The following ELAVL4 variants were observed in gnomAD, a reference collection of about 807,000 sequenced individuals.
ELAVL4 encodes the protein ELAV-like protein 4.
ELAVL4 carries 1 observed loss-of-function variant against 35.6 expected under a neutral mutation model. The ratio of observed to expected loss-of-function variants is 0.03; its 90% CI spans 0.01 to 0.13. The LOEUF is 0.13. Ranked by LOEUF, ELAVL4 falls within the 10% of genes least tolerant of loss-of-function variation. ELAVL4 has a pLI of 1.00. For missense variants in ELAVL4, 267 were observed against 464.9 expected (o/e 0.57, Z 3.91); for synonymous variants, 156 against 171.0 (o/e 0.91, Z 0.69).
chr1:50,125,770 C>G (rs1669801417), intron 1 of ELAVL4, among the ~76,000 whole-genome samples: 1 of 152,012 alleles, frequency 6.6e-6, no homozygotes, highest in African/African-American at 2.4e-5. Flanking sequence ...GGAGCCTGAA[C>G]CTAGAAGGTG....
At position 50,201,122 on chromosome 1, in the gene ELAVL4, C is replaced by G. The variant is rs1196239051; in HGVS notation, c.1045C>G (p.Leu349Val). The change falls in exon 7 of 7, where the codon CTG becomes GTG. Residue 349 changes from leucine (L) to valine (V), a missense_variant. Transcript: ENST00000371824. The surrounding 1 kb of genome is among the most constrained non-coding windows in gnomAD (Gnocchi z 4.3). The part of the protein sequence containing the change: ...MAIASLNGYR[L>V]GDRVLQVSFK... Reference sequence around the variant, plus strand: ...CATCGCCAGCCTCAACGGGTACCGCCTGGGAGACAGAGTGTTGCAAGTTTC... The same window carrying G: ...CATCGCCAGCCTCAACGGGTACCGCGTGGGAGACAGAGTGTTGCAAGTTTC... The G allele has an allele frequency of 6.2e-7, 1 of 1,613,110 alleles. No homozygotes were observed.
chr1:50,192,675 G>A (rs1273006069), intron 3 of ELAVL4, among the ~76,000 whole-genome samples: 2 of 152,084 alleles, frequency 1.3e-5, no homozygotes, highest in Non-Finnish European at 2.9e-5. Flanking sequence ...AACGTTGTCA[G>A]ATGTGCTCTG....
At chr1:50,101,301 G>A (rs1332493383), upstream of ELAVL4, among the ~76,000 whole-genome samples, 1 of 152,124 alleles carries the variant, frequency 6.6e-6, no homozygotes, top group South Asian at 2.1e-4. Flanking sequence ...GGAAAAACGG[G>A]TAGGGTTGGG....
At chr1:50,198,768 T>A (rs1399068716) in intron 6 of ELAVL4, among the ~76,000 whole-genome samples, 1 of 152,154 alleles carries the variant, frequency 6.6e-6, no homozygotes, top group Non-Finnish European at 1.5e-5. Context: ...CACCACCTCC[T>A]CCACTGCCCC....
chr1:50,167,080 T>C (rs1412013342), intron 2 of ELAVL4, among the ~76,000 whole-genome samples: 1 of 152,164 alleles, frequency 6.6e-6, no homozygotes, highest in Non-Finnish European at 1.5e-5. Flanking sequence ...CCATGAATCC[T>C]GGCTATGGGA....
intron 1 of ELAVL4, among the ~76,000 whole-genome samples, chr1:50,059,773 A>G (rs1342255897): frequency 2.6e-5 from 4 of 152,054 alleles, no homozygotes. Flanking sequence ...AATATTATTC[A>G]GCCATGAAAA....
chr1:50,144,164 C>T (rs559622279), intron 1 of ELAVL4, among the ~76,000 whole-genome samples: 3 of 152,230 alleles, frequency 2.0e-5, no homozygotes, highest in South Asian at 4.2e-4. Flanking sequence ...TATTCTCATA[C>T]GTGCTACCTG....
intron 2 of ELAVL4, chr1:50,174,584 A>C (rs950455481): frequency 6.6e-6 from 1 of 151,404 alleles, no homozygotes; most frequent in Non-Finnish European, 1.5e-5. Flanking sequence ...CAGTTGTGCT[A>C]ATTGCAGTCA....
chr1:50,125,590 A>C (rs967429335), intron 1 of ELAVL4, among the ~76,000 whole-genome samples: 6 of 152,036 alleles, frequency 3.9e-5, no homozygotes, highest in Admixed American at 2.6e-4. Context: ...TAGAGAACTC[A>C]TAAAGAGGCC....
At chr1:50,126,308 C>G (rs1669905815) in intron 1 of ELAVL4, among the ~76,000 whole-genome samples, 1 of 152,126 alleles carries the variant, frequency 6.6e-6, no homozygotes, top group Non-Finnish European at 1.5e-5. Context: ...GCCCCATCCT[C>G]TTGGTGTCAC....
chr1:50,074,050 A>G (rs1022280405), intron 1 of ELAVL4, among the ~76,000 whole-genome samples: 6 of 152,168 alleles, frequency 3.9e-5, no homozygotes, highest in East Asian at 3.9e-4. Context: ...TCCAGAAAAC[A>G]TTATTTTGAA....
chr1:50,169,844 A>T (rs1294775503), intron 2 of ELAVL4, among the ~76,000 whole-genome samples: 3 of 152,230 alleles, frequency 2.0e-5, no homozygotes, highest in Non-Finnish European at 2.9e-5. Context: ...CTTTAAAAGA[A>T]AAATACCTGT....
chr1:50,141,339 G>T (rs1273496307), intron 1 of ELAVL4, among the ~76,000 whole-genome samples: 1 of 152,190 alleles, frequency 6.6e-6, no homozygotes, highest in Non-Finnish European at 1.5e-5. Context: ...AGTTTCTAAA[G>T]ATTGTGGGCC....
In ELAVL4 at chr1:50,203,466, G is replaced by A. The variant is rs927027892; in HGVS notation, c.*2288G>A. On this transcript the variant is annotated 3_prime_UTR_variant, in exon 7 of 7. Coordinates refer to ENST00000371824, the MANE Select transcript of ELAVL4 (RefSeq NM_001144774.3). ...TCAACATTCAGGGAAAGCTTTTTACGTCACCTGCTATGAATGAACGTAGTT... is the reference window on the plus strand; with the variant it reads ...TCAACATTCAGGGAAAGCTTTTTACATCACCTGCTATGAATGAACGTAGTT... The A allele has an allele frequency of 9.2e-5, 14 of 151,522 alleles. No individual in the cohort carries two copies. Among genetic ancestry groups the A allele is most frequent in the African/African-American group, 3.2e-4 (13 of 41,210 alleles). 9.4% of individuals were successfully genotyped at this position (151,522 alleles called of 1,614,324 possible).
intron 1 of ELAVL4, among the ~76,000 whole-genome samples, chr1:50,135,359 T>C (rs1019504412): frequency 2.6e-5 from 4 of 152,188 alleles, no homozygotes; most frequent in African/African-American, 9.6e-5. Context: ...CAGTTCAGTA[T>C]CAAAACAGGT....
Position 50,145,100 on chromosome 1 carries a change from C to T in ELAVL4, c.153C>T (p.Asn51=), listed in dbSNP as rs1188951593. The change falls in exon 2 of 7, where the codon AAC becomes AAT. Residue 51 remains asparagine (N), a synonymous_variant. Coordinates refer to ENST00000371824, the MANE Select transcript of ELAVL4 (RefSeq NM_001144774.3). The part of the protein sequence containing the change: ...TDDSKTNLIV[N]YLPQNMTQEE... ...ACAGCAAAACCAACCTCATCGTCAA[C>T]TATTTACCCCAGAATATGACCCAAG... 1 of 1,614,044 alleles carries T rather than the reference C, an allele frequency of 6.2e-7. No homozygotes were observed. Among genetic ancestry groups the T allele is most frequent in the South Asian group, 1.1e-5 (1 of 91,082 alleles).
upstream of ELAVL4, among the ~76,000 whole-genome samples, chr1:50,100,139 TTAAA>T (rs1665903749): frequency 6.6e-6 from 1 of 152,190 alleles, no homozygotes; most frequent in Non-Finnish European, 1.5e-5. Flanking sequence ...AGAAAATCAG[TTAAA>T]TTATGTAATC....
intron 1 of ELAVL4, among the ~76,000 whole-genome samples, chr1:50,095,562 A>G (rs1441998464): frequency 1.3e-5 from 2 of 152,192 alleles, no homozygotes; most frequent in Non-Finnish European, 2.9e-5. Flanking sequence ...TTACACACAC[A>G]CACACATACA....
chr1:50,166,430 AG>A (rs774540356), intron 2 of ELAVL4, among the ~76,000 whole-genome samples: 8 of 152,234 alleles, frequency 5.3e-5, no homozygotes, highest in Non-Finnish European at 1.0e-4. Flanking sequence ...ATAAAGGAAA[AG>A]GAAATAAAAT....
Sources: allele counts gnomAD v4.1 joint callset (sites outside exome capture counted in the v4.1 genomes callset), GRCh38; gene constraint gnomAD v4.1.1; non-coding constraint Gnocchi (gnomAD v3.1); transcripts MANE v1.5; gene names NCBI Gene and HGNC (gene_info 2026-07-23, HGNC 2026-07-21).